Variants in GABRG3 observed in about 807,000 individuals in gnomAD.
GABRG3 encodes the protein gamma-aminobutyric acid type A receptor subunit gamma3, also known as gamma-aminobutyric acid receptor subunit gamma-3.
GABRG3 carries 25 observed loss-of-function variants against 48.8 expected under a neutral mutation model. That is an observed-to-expected ratio of 0.51 (90% CI 0.37 to 0.72). The LOEUF is 0.72. Among genes scored for constraint, GABRG3 ranks in the 30% least tolerant of loss-of-function variants. The pLI is 0.00. For synonymous variants in GABRG3, 227 were observed against 217.6 expected, an observed-to-expected ratio of 1.04 and a Z score of -0.38; for missense variants, 394 against 577.9, an observed-to-expected ratio of 0.68 and a Z score of 3.26.
intron 3 of GABRG3, among the ~76,000 whole-genome samples, chr15:27,078,656 T>C (rs6606871): frequency 0.2 from 30,499 of 152,132 alleles, 3,182 homozygotes; most frequent in Middle Eastern, 0.26. Flanking sequence ...GCTCCTCGTC[T>C]TTAAAGAGGG....
At chr15:27,181,719 T>G (rs1489092064) in intron 3 of GABRG3, among the ~76,000 whole-genome samples, 1 of 152,178 alleles carries the variant, frequency 6.6e-6, no homozygotes, top group Non-Finnish European at 1.5e-5. Flanking sequence ...TAAGCATTCC[T>G]GTGAGTGATG....
intron 3 of GABRG3, among the ~76,000 whole-genome samples, chr15:27,045,151 A>G (rs1295854384): frequency 1.6e-4 from 24 of 152,250 alleles, no homozygotes; most frequent in Non-Finnish European, 4.4e-5. Context: ...AGAAGCTCTG[A>G]AGCTGCATTA....
rs111910385 is a variant in GABRG3, at chr15:27,398,666, G to GCACACA, written c.574+69796_574+69801dup. On this transcript the variant is annotated intron_variant, in intron 5 of 9. Coordinates refer to ENST00000615808, the MANE Select transcript of GABRG3 (RefSeq NM_033223.5). ...TGGGTAGGGGAGATGACAAGCGCGC[G>GCACACA]CACACACACACACACACACACACCC... Among the ~76,000 whole-genome samples, 315 of 147,304 alleles carry GCACACA rather than the reference G, an allele frequency of 2.1e-3. 1 individual carries two copies. The highest frequency in any genetic ancestry group is 7.3e-3 in the African/African-American group (294 of 40,244).
intron 3 of GABRG3, among the ~76,000 whole-genome samples, chr15:27,303,819 T>C (rs1892300409): frequency 6.6e-6 from 1 of 151,440 alleles, no homozygotes; most frequent in Admixed American, 6.6e-5. Flanking sequence ...TGTGTGTATA[T>C]ATGTATATAC....
At chr15:27,406,697 G>T (rs1887645611) in intron 5 of GABRG3, among the ~76,000 whole-genome samples, 1 of 152,138 alleles carries the variant, frequency 6.6e-6, no homozygotes, top group Admixed American at 6.5e-5. Context: ...ATCGTAGTGG[G>T]ATCCAAGGCT....
intron 3 of GABRG3, among the ~76,000 whole-genome samples, chr15:27,210,319 A>G: frequency 6.6e-6 from 1 of 152,236 alleles, no homozygotes; most frequent in Non-Finnish European, 1.5e-5. Flanking sequence ...ATGCGAAAAT[A>G]AGTGAGTTTA....
At chr15:27,476,902 A>G (rs560108059) in intron 5 of GABRG3, among the ~76,000 whole-genome samples, 2 of 152,344 alleles carry the variant, frequency 1.3e-5, no homozygotes, top group African/African-American at 4.8e-5. Context: ...GACAGAGAAC[A>G]TTTTGAAAAC....
At chr15:27,206,799 A>G (rs572666533) in intron 3 of GABRG3, among the ~76,000 whole-genome samples, 4 of 152,266 alleles carry the variant, frequency 2.6e-5, no homozygotes, top group Admixed American at 2.6e-4. Flanking sequence ...CTTTATTATT[A>G]GGTAATATCC....
intron 5 of GABRG3, among the ~76,000 whole-genome samples, chr15:27,463,797 G>A (rs1473676292): frequency 6.6e-6 from 1 of 152,144 alleles, no homozygotes; most frequent in African/African-American, 2.4e-5. Flanking sequence ...CTGTGCAGGG[G>A]GAGGCTGACA....
intron 1 of GABRG3, among the ~76,000 whole-genome samples, chr15:26,973,657 G>T (rs114526244): frequency 6.6e-6 from 1 of 152,148 alleles, no homozygotes; most frequent in African/African-American, 2.4e-5. Context: ...TGACACCCAT[G>T]GGCATCATAA....
At chr15:27,193,667 C>T (rs940194640) in intron 3 of GABRG3, among the ~76,000 whole-genome samples, 1 of 152,230 alleles carries the variant, frequency 6.6e-6, no homozygotes, top group African/African-American at 2.4e-5. Context: ...ACCCCTTGCA[C>T]TTCCCGAGTG....
intron 3 of GABRG3, among the ~76,000 whole-genome samples, chr15:27,187,796 A>G (rs907363424): frequency 1.3e-5 from 2 of 152,000 alleles, no homozygotes; most frequent in African/African-American, 4.8e-5. Flanking sequence ...TTACATATGT[A>G]TACATGTGAC....
chr15:27,451,875 C>T (rs1023440760), intron 5 of GABRG3, among the ~76,000 whole-genome samples: 2 of 152,052 alleles, frequency 1.3e-5, no homozygotes, highest in Non-Finnish European at 2.9e-5. Flanking sequence ...TGCAACTTGA[C>T]TGATGGAGAA....
intron 3 of GABRG3, among the ~76,000 whole-genome samples, chr15:27,116,986 A>T (rs549333488): frequency 4.0e-4 from 61 of 152,342 alleles, no homozygotes; most frequent in African/African-American, 1.5e-3. Context: ...AGTCTCAGGT[A>T]TCGTGTTATA....
intron 3 of GABRG3, among the ~76,000 whole-genome samples, chr15:27,248,782 A>ACACACC (rs1268214169): frequency 9.2e-6 from 1 of 108,684 alleles, no homozygotes; most frequent in African/African-American, 4.3e-5. Flanking sequence ...ACACACACAC[A>ACACACC]CACACACACA....
chr15:27,428,741 T>A (rs1014137083), intron 5 of GABRG3, among the ~76,000 whole-genome samples: 3 of 152,162 alleles, frequency 2.0e-5, no homozygotes, highest in Non-Finnish European at 2.9e-5. Flanking sequence ...CAGGCCTAGT[T>A]AATTTTGCTA....
intron 5 of GABRG3, among the ~76,000 whole-genome samples, chr15:27,404,563 G>T (rs943204103): frequency 3.9e-5 from 6 of 152,188 alleles, no homozygotes; most frequent in African/African-American, 1.4e-4. Flanking sequence ...GGGCTGTCTG[G>T]TTAATGGACA....
chr15:27,062,130 T>C (rs1489719989), intron 3 of GABRG3, among the ~76,000 whole-genome samples: 1 of 152,148 alleles, frequency 6.6e-6, no homozygotes, highest in African/African-American at 2.4e-5. Flanking sequence ...GTGCCTGTGA[T>C]AGAGTTTCCA....
intron 5 of GABRG3, among the ~76,000 whole-genome samples, chr15:27,445,575 A>G (rs1425810099): frequency 6.6e-6 from 1 of 152,220 alleles, no homozygotes; most frequent in Non-Finnish European, 1.5e-5. Context: ...AATATGTCCT[A>G]TATAGAAGTC....
Sources: allele counts gnomAD v4.1 joint callset (sites outside exome capture counted in the v4.1 genomes callset), GRCh38; gene constraint gnomAD v4.1.1; transcripts MANE v1.5; gene names NCBI Gene and HGNC (gene_info 2026-07-23, HGNC 2026-07-21).